MIGA2: variants seen among roughly 807,000 people sequenced by gnomAD.
MIGA2 encodes the protein family with sequence similarity 73, member B.
Under a neutral mutation model 69.9 loss-of-function variants are expected in MIGA2, and 36 were observed. That is an observed-to-expected ratio of 0.52 (90% CI 0.39 to 0.68). The LOEUF (loss-of-function observed/expected upper bound fraction) is 0.68. Among genes scored for constraint, MIGA2 ranks in the 30% least tolerant of loss-of-function variants. MIGA2 has a pLI of 0.00. For synonymous variants in MIGA2, 333 were observed against 349.2 expected (o/e 0.95, Z 0.52); for missense variants, 660 against 787.7 (o/e 0.84, Z 1.94).
At chr9:129,056,118 C>A (rs1165252382) in intron 6 of MIGA2, among the ~76,000 whole-genome samples, 8 of 145,158 alleles carry the variant, frequency 5.5e-5, no homozygotes, top group African/African-American at 1.8e-4. Flanking sequence ...CAGAGCAAGA[C>A]CCTGTCTCAA....
At chr9:129,038,950 C>T (rs1311383716) in intron 1 of MIGA2, among the ~76,000 whole-genome samples, 1 of 151,190 alleles carries the variant, frequency 6.6e-6, no homozygotes, top group Non-Finnish European at 1.5e-5. Flanking sequence ...CACGTGCCAC[C>T]ACACTGGCTA....
chr9:129,063,698 A>G, intron 11 of MIGA2, 67 bp downstream of exon 11: 1 of 1,532,870 alleles, frequency 6.5e-7, no homozygotes, highest in Non-Finnish European at 9.0e-7. Context: ...CCTGAACCCC[A>G]CCTGCCAGAG....
Position 129,068,547 on chromosome 9 carries a change from T to C in MIGA2, c.1404+215T>C. The C allele has an allele frequency of 3.5e-6, 2 of 579,534 alleles. No individual in the cohort carries two copies. Among genetic ancestry groups the C allele is most frequent in the Non-Finnish European group, 3.0e-6 (1 of 329,058 alleles). The allele number at this position is 579,534 out of a possible 1,614,324, so 35.9% of individuals were successfully genotyped here. On this transcript the variant is annotated intron_variant, in intron 13 of 15. Transcript: ENST00000684074. The surrounding 1 kb of genome is among the most constrained non-coding windows in gnomAD (Gnocchi z 4.1). ...GCCCCAGTTTAGAACCAACATGGTG[T>C]GCGCTTTCTTCCTATTGTGTGGTTT... is the stretch of plus-strand genomic sequence containing the variant.
chr9:129,050,517 CCCTCCCTGG>C (rs1260926436), intron 6 of MIGA2, among the ~76,000 whole-genome samples: 1 of 151,482 alleles, frequency 6.6e-6, no homozygotes, highest in African/African-American at 2.4e-5. Context: ...TCATGATCCA[CCCTCCCTGG>C]CCTCCCAAAG....
chr9:129,063,819 C>T (rs940630285), intron 11 of MIGA2, among the ~76,000 whole-genome samples, 188 bp downstream of exon 11: 6 of 152,162 alleles, frequency 3.9e-5, no homozygotes, highest in South Asian at 2.1e-4. Flanking sequence ...CTTACCATCC[C>T]GCAGTTTACC....
chr9:129,060,703 T>C lies in MIGA2; in HGVS notation c.894+53T>C. ...GGTGGGGTGAAGGCTGGGCCTCCTC[T>C]GCAGGTCCATGGGGCCAGCACTGGG... On this transcript the variant is annotated intron_variant, in intron 8 of 15. Transcript: ENST00000684074. The surrounding 1 kb of genome is among the most constrained non-coding windows in gnomAD (Gnocchi z 4.8). 1.4e-6 allele frequency: 2 copies of C among 1,413,026 alleles called. No individual in the cohort carries two copies. The highest frequency in any genetic ancestry group is 4.0e-5 in the Admixed American group (2 of 49,874). 87.5% of individuals were successfully genotyped at this position (1,413,026 alleles called of 1,614,324 possible). A position where few individuals can be genotyped will look rare whatever the true frequency, so the allele number is the denominator to read the frequency against.
At chr9:129,065,546 C>T (rs1385783388) in intron 11 of MIGA2, among the ~76,000 whole-genome samples, 1 of 151,904 alleles carries the variant, frequency 6.6e-6, no homozygotes, top group African/African-American at 2.4e-5. Flanking sequence ...GACAGGGTTT[C>T]ACCATGTTTG....
intron 3 of MIGA2, among the ~76,000 whole-genome samples, chr9:129,043,290 A>C (rs1007387852): frequency 2.0e-5 from 3 of 151,836 alleles, no homozygotes; most frequent in Non-Finnish European, 4.4e-5. Context: ...TCATCCGACC[A>C]CCACCATAGT....
chr9:129,037,160 T>C (rs1471335981), intron 1 of MIGA2: 5 of 632,682 alleles, frequency 7.9e-6, no homozygotes, highest in Non-Finnish European at 1.0e-5. Context: ...GGTGGGACTA[T>C]TGAGGGGTCC....
rs1846608613 is a variant in MIGA2, at chr9:129,070,340, T to C, written c.1669T>C (p.Ser557Pro). The C allele has an allele frequency of 1.2e-6, 2 of 1,613,058 alleles. No individual in the cohort carries two copies. Among genetic ancestry groups the C allele is most frequent in the Non-Finnish European group, 1.7e-6 (2 of 1,179,970 alleles). Residue 557 changes from serine (S) to proline (P), a missense_variant, in exon 16 of 16, where the codon TCC becomes CCC. Physicochemically the swap from Ser to Pro is moderately conservative, Grantham distance 74. Coordinates refer to ENST00000684074, the MANE Select transcript of MIGA2 (RefSeq NM_001329990.2). ...PALADDILQLSRRRSEILLGY... is the reference protein window; with the variant it reads ...PALADDILQLPRRRSEILLGY... The stretch of plus-strand genomic sequence containing the variant: ...GCTGGCAGACGACATCCTGCAGCTG[T>C]CCCGGCGCCGCAGCGAGATATTGCT...
chr9:129,063,602 G>A lies in MIGA2; in HGVS notation c.1141G>A (p.Val381Met). 1 of 1,602,584 alleles carries A rather than the reference G, an allele frequency of 6.2e-7. No homozygotes were observed. The highest frequency in any genetic ancestry group is 8.5e-7 in the Non-Finnish European group (1 of 1,172,622). The change falls in exon 11 of 16, where the codon GTG becomes ATG. Residue 381 changes from valine to methionine, a missense_variant. Val to Met is a conservative substitution (Grantham distance 21). Transcript: ENST00000684074. The part of the protein sequence containing the change: ...LFFGKVGRQM[V>M]TGLMTKAEKS... ...CTTCGGGAAAGTGGGCCGACAGATG[G>A]TGACAGGCCTGATGACCAAGGCTGA...
chr9:129,050,461 G>T (rs558973376), intron 6 of MIGA2, among the ~76,000 whole-genome samples: 66 of 151,938 alleles, frequency 4.3e-4, no homozygotes, highest in African/African-American at 1.5e-3. Context: ...TTTTAGTAGA[G>T]ACAGGGTTTC....
At chr9:129,062,402 C>T (rs1588407018) in intron 9 of MIGA2, among the ~76,000 whole-genome samples, 1 of 151,646 alleles carries the variant, frequency 6.6e-6, no homozygotes, top group South Asian at 2.1e-4. Flanking sequence ...CATGGTGGCA[C>T]ATACCTGTAG....
chr9:129,058,175 T>C (rs1285942551), intron 6 of MIGA2, among the ~76,000 whole-genome samples: 1 of 151,812 alleles, frequency 6.6e-6, no homozygotes, highest in East Asian at 2.0e-4. Flanking sequence ...GGCAGGAGGA[T>C]TGCATGAACC....
chr9:129,044,328 A>G (rs1192019821), intron 3 of MIGA2, among the ~76,000 whole-genome samples: 2 of 149,924 alleles, frequency 1.3e-5, no homozygotes. Context: ...TCACTACTAC[A>G]CTTAACTAGT....
In MIGA2 at chr9:129,063,227, G is replaced by A. The variant is rs372928477; in HGVS notation, c.1011-17G>A. On this transcript the variant is annotated splice_polypyrimidine_tract_variant and intron_variant, in intron 9 of 15. Coordinates refer to ENST00000684074, the MANE Select transcript of MIGA2 (RefSeq NM_001329990.2). ...GGCAGGGACCAGGTTGTGTGACGCC[G>A]TCTGTCCTCCCCTCAGGACGGAGCT... 47 of 1,613,662 alleles carry A rather than the reference G, an allele frequency of 2.9e-5. No homozygotes were observed. The highest frequency in any genetic ancestry group is 2.4e-4 in the African/African-American group (18 of 74,928).
intron 6 of MIGA2, among the ~76,000 whole-genome samples, chr9:129,050,905 C>G (rs1381477855): frequency 6.7e-6 from 1 of 149,956 alleles, no homozygotes; most frequent in Non-Finnish European, 1.5e-5. Flanking sequence ...CAGAGTTTCG[C>G]TCTTGTTGCC....
chr9:129,048,685 G>A (rs959005824), intron 4 of MIGA2, 146 bp downstream of exon 4: 1 of 654,254 alleles, frequency 1.5e-6, no homozygotes, highest in South Asian at 1.8e-5. Flanking sequence ...TTCAGGGATT[G>A]TCCCTAATCA....
chr9:129,062,735 T>C (rs1846132060), intron 9 of MIGA2, among the ~76,000 whole-genome samples: 1 of 151,880 alleles, frequency 6.6e-6, no homozygotes. Context: ...TCCCAGCTAC[T>C]TGGGAGGCTG....
Sources: gnomAD v4.1 joint callset for allele counts (sites outside exome capture counted in the v4.1 genomes callset) on GRCh38, gnomAD v4.1.1 for gene constraint, Gnocchi (gnomAD v3.1) non-coding constraint, MANE v1.5 for transcripts, NCBI Gene and HGNC (gene_info 2026-07-23, HGNC 2026-07-21) for gene names.